The following MYO3B variants were observed in gnomAD, a reference collection of about 807,000 sequenced individuals.
The protein encoded by MYO3B is myosin IIIB, also known as myosin-IIIb.
MYO3B carries 156 observed loss-of-function variants against 174.6 expected under a neutral mutation model. The ratio of observed to expected loss-of-function variants is 0.89; its 90% CI spans 0.78 to 1.02. MYO3B has a LOEUF of 1.02. Among genes scored for constraint, MYO3B ranks in the 50% least tolerant of loss-of-function variants. The pLI is 0.00. For missense variants in MYO3B, 1,632 were observed against 1,639.4 expected (o/e 1.00, Z 0.08); for synonymous variants, 563 against 569.1 (o/e 0.99, Z 0.15).
chr2:170,265,493 G>T (rs1283355084), intron 7 of MYO3B, among the ~76,000 whole-genome samples: 2 of 152,226 alleles, frequency 1.3e-5, no homozygotes, highest in African/African-American at 4.8e-5. Context: ...CCCATGCCAA[G>T]ATTTGAGTGA....
chr2:170,616,766 C>T (rs13022715), intron 32 of MYO3B, among the ~76,000 whole-genome samples: 61,845 of 151,948 alleles, frequency 0.41, 13,215 homozygotes, highest in Non-Finnish European at 0.48. Flanking sequence ...TCAGAGATAC[C>T]GTCTAAAACT....
At chr2:170,347,649 G>C (rs2094026958) in intron 8 of MYO3B, among the ~76,000 whole-genome samples, 1 of 152,188 alleles carries the variant, frequency 6.6e-6, no homozygotes, top group Non-Finnish European at 1.5e-5. Context: ...AGGCCTCACA[G>C]CTGGCAGAGC....
At chr2:170,559,168 C>CCGTT (rs1282877347) in intron 32 of MYO3B, among the ~76,000 whole-genome samples, 2 of 152,146 alleles carry the variant, frequency 1.3e-5, no homozygotes, top group Non-Finnish European at 2.9e-5. Flanking sequence ...AGAGCTAGAA[C>CCGTT]CCAACCCAGA....
intron 22 of MYO3B, among the ~76,000 whole-genome samples, chr2:170,426,496 C>G (rs979782681): frequency 2.0e-5 from 3 of 150,784 alleles, no homozygotes; most frequent in Admixed American, 6.6e-5. Context: ...CCACCATGCC[C>G]GGATGATTTT....
intron 6 of MYO3B, among the ~76,000 whole-genome samples, chr2:170,229,317 T>C (rs1424659): frequency 0.3 from 45,085 of 152,162 alleles, 7,633 homozygotes; most frequent in South Asian, 0.52. Flanking sequence ...CAAGGATTAA[T>C]AGCTTTAGGT....
intron 1 of MYO3B, among the ~76,000 whole-genome samples, chr2:170,180,438 C>T (rs904234531): frequency 2.6e-5 from 4 of 152,160 alleles, no homozygotes; most frequent in African/African-American, 9.7e-5. Flanking sequence ...GTCTCACTCT[C>T]TCAAGCATGG....
rs1358991848 is a variant in MYO3B at position 170,648,864 on chromosome 2, CTA to C, written c.3734-2760_3734-2759del. 1.7e-3 allele frequency among the ~76,000 whole-genome samples: 95 copies of C among 56,296 alleles called. 2 individuals carry two copies. In the South Asian group the frequency reaches 0.049, roughly 29 times the overall value. 36.9% of individuals were successfully genotyped at this position (56,296 alleles called of 152,430 possible). A position where few individuals can be genotyped will look rare whatever the true frequency, so the allele number is the denominator to read the frequency against. On this transcript the variant is annotated intron_variant, in intron 32 of 34. Transcript: ENST00000408978. ...TTCTATATTATATATAGAATATATT[CTA>C]TATGTTTATATTCTATATATTATAT...
At chr2:170,262,762 C>G (rs943295934) in intron 7 of MYO3B, among the ~76,000 whole-genome samples, 37 of 152,278 alleles carry the variant, frequency 2.4e-4, no homozygotes, top group African/African-American at 8.9e-4. Flanking sequence ...GGTTGCTACT[C>G]TAGCATCATC....
chr2:170,355,644 A>G (rs2094114649), intron 8 of MYO3B, among the ~76,000 whole-genome samples: 1 of 152,196 alleles, frequency 6.6e-6, no homozygotes, highest in South Asian at 2.1e-4. Flanking sequence ...TTGGGATTGA[A>G]TCGCTCCCTC....
chr2:170,381,304 C>A (rs1233265928), intron 9 of MYO3B, among the ~76,000 whole-genome samples: 2 of 151,994 alleles, frequency 1.3e-5, no homozygotes, highest in Non-Finnish European at 2.9e-5. Context: ...GTTTAAAAAT[C>A]ATAATGTTTA....
intron 28 of MYO3B, 51 bp downstream of exon 28, chr2:170,501,916 A>G (rs1687297548): frequency 2.4e-6 from 3 of 1,233,886 alleles, no homozygotes; most frequent in Non-Finnish European, 3.6e-6. Context: ...TTCTGTGACT[A>G]ACTTCTGTGA....
intron 1 of MYO3B, among the ~76,000 whole-genome samples, chr2:170,195,255 A>G (rs1383370586): frequency 1.3e-5 from 2 of 152,020 alleles, no homozygotes; most frequent in Non-Finnish European, 2.9e-5. Flanking sequence ...TTTCATGCCC[A>G]AAAGTTGGCT....
chr2:170,635,462 G>A (rs928412292), intron 32 of MYO3B, among the ~76,000 whole-genome samples: 7 of 152,034 alleles, frequency 4.6e-5, no homozygotes, highest in East Asian at 1.9e-4. Context: ...GGGGCCTGTC[G>A]TGGGGTGGGG....
chr2:170,324,873 C>A (rs1215056904), intron 7 of MYO3B, among the ~76,000 whole-genome samples: 1 of 152,140 alleles, frequency 6.6e-6, no homozygotes, highest in Non-Finnish European at 1.5e-5. Context: ...GTGGTGCTCA[C>A]CCTCCAGCGA....
rs1016491054 is a variant in MYO3B, at chr2:170,298,561, G to C, written c.750-36824G>C. ...GTGCTGGCGGGGACCTGTAATCCCA[G>C]CTACTCAGGAGGCTGAGACAGAGAA... On this transcript the variant is annotated intron_variant, in intron 7 of 34. Coordinates refer to ENST00000408978, the MANE Select transcript of MYO3B (RefSeq NM_138995.5). 7.3e-5 allele frequency among the ~76,000 whole-genome samples: 11 copies of C among 151,436 alleles called. 1 individual carries two copies. Among genetic ancestry groups the C allele is most frequent in the African/African-American group, 1.9e-4 (8 of 41,178 alleles).
At chr2:170,436,716 G>A (rs2094757067) in intron 22 of MYO3B, among the ~76,000 whole-genome samples, 1 of 152,174 alleles carries the variant, frequency 6.6e-6, no homozygotes, top group Non-Finnish European at 1.5e-5. Context: ...CTTGGTTTGG[G>A]GGAAGAACAA....
intron 28 of MYO3B, among the ~76,000 whole-genome samples, chr2:170,508,360 C>T (rs895289076): frequency 6.6e-6 from 1 of 152,132 alleles, no homozygotes; most frequent in Non-Finnish European, 1.5e-5. Context: ...CATGTAGAAT[C>T]ATAAAATATG....
At chr2:170,247,840 A>G (rs1239605075) in intron 7 of MYO3B, among the ~76,000 whole-genome samples, 2 of 152,180 alleles carry the variant, frequency 1.3e-5, no homozygotes, top group African/African-American at 4.8e-5. Flanking sequence ...TCCTACAACA[A>G]TCACACTGGT....
At chr2:170,224,855 G>A (rs2092935258) in intron 6 of MYO3B, among the ~76,000 whole-genome samples, 1 of 152,146 alleles carries the variant, frequency 6.6e-6, no homozygotes, top group Non-Finnish European at 1.5e-5. Flanking sequence ...CGTTGACAAG[G>A]GACGGTTGCC....
Sources: allele counts gnomAD v4.1 joint callset (sites outside exome capture counted in the v4.1 genomes callset), GRCh38; gene constraint gnomAD v4.1.1; transcripts MANE v1.5; gene names NCBI Gene and HGNC (gene_info 2026-07-23, HGNC 2026-07-21).